MAGI2: variants seen among roughly 807,000 people sequenced by gnomAD.
MAGI2 encodes the protein membrane-associated guanylate kinase, WW and PDZ domain-containing protein 2.
A neutral mutation model predicts 133.3 loss-of-function variants in MAGI2; 35 were observed. The ratio of observed to expected loss-of-function variants is 0.26; its 90% CI spans 0.20 to 0.35. The LOEUF (loss-of-function observed/expected upper bound fraction) is 0.35. Among genes scored for constraint, MAGI2 ranks in the 10% least tolerant of loss-of-function variants. The pLI is 1.00. For missense variants in MAGI2, 1,636 were observed against 1,863.4 expected (o/e 0.88, Z 2.25); for synonymous variants, 729 against 710.6 (o/e 1.03, Z -0.41).
chr7:79,238,100 T>C (rs1289356346), intron 1 of MAGI2, among the ~76,000 whole-genome samples: 2 of 152,222 alleles, frequency 1.3e-5, no homozygotes, highest in Admixed American at 6.5e-5. Context: ...CATTTGATTC[T>C]ACTGGGAAAT....
At chr7:78,443,573 CCT>C (rs1178585118) in intron 6 of MAGI2, among the ~76,000 whole-genome samples, 1 of 152,026 alleles carries the variant, frequency 6.6e-6, no homozygotes, top group African/African-American at 2.4e-5. Flanking sequence ...TTTGATTATT[CCT>C]CTGTTATAAC....
chr7:78,054,507 C>T (rs7803732), intron 21 of MAGI2, among the ~76,000 whole-genome samples: 26,633 of 151,754 alleles, frequency 0.18, 3,351 homozygotes, highest in African/African-American at 0.35. Context: ...TCTCACTCTA[C>T]GGACATTCTC....
At chr7:78,894,509 C>A (rs927572135) in intron 2 of MAGI2, among the ~76,000 whole-genome samples, 29 of 152,044 alleles carry the variant, frequency 1.9e-4, no homozygotes, top group Non-Finnish European at 7.4e-5. Flanking sequence ...GTACCTGTGC[C>A]ATAATGCTTT....
intron 21 of MAGI2, among the ~76,000 whole-genome samples, chr7:78,032,009 C>CT (rs377672697): frequency 0.038 from 4,714 of 124,136 alleles, 277 homozygotes; most frequent in African/African-American, 0.12. Flanking sequence ...AGCCCCCCCA[C>CT]TTTTTTTTTT....
chr7:78,377,261 G>T (rs1794526275), intron 6 of MAGI2, among the ~76,000 whole-genome samples: 2 of 152,060 alleles, frequency 1.3e-5, no homozygotes, highest in African/African-American at 4.8e-5. Context: ...TATAAGTAGG[G>T]ATGTGAATGC....
intron 6 of MAGI2, among the ~76,000 whole-genome samples, chr7:78,403,072 A>G (rs538979911): frequency 2.2e-4 from 33 of 152,298 alleles, no homozygotes; most frequent in African/African-American, 7.5e-4. Flanking sequence ...ACATATGTAT[A>G]CACGTGCCGT....
intron 2 of MAGI2, among the ~76,000 whole-genome samples, chr7:78,849,564 A>G (rs1246348912): frequency 6.6e-6 from 1 of 152,090 alleles, no homozygotes; most frequent in Non-Finnish European, 1.5e-5. Context: ...AAATGGTTAG[A>G]GTGAAAGGCA....
chr7:78,757,768 A>C (rs1041452365), intron 2 of MAGI2, among the ~76,000 whole-genome samples: 5 of 151,984 alleles, frequency 3.3e-5, no homozygotes, highest in African/African-American at 1.2e-4. Flanking sequence ...TCAACTATTA[A>C]ATACACCCTG....
chr7:78,678,463 A>C (rs1815290847), intron 2 of MAGI2, among the ~76,000 whole-genome samples: 1 of 152,154 alleles, frequency 6.6e-6, no homozygotes, highest in African/African-American at 2.4e-5. Flanking sequence ...TAGGGTGGTA[A>C]GGTTTGCTCA....
chr7:79,292,787 A>AAAAAAG (rs1836606041), intron 1 of MAGI2, among the ~76,000 whole-genome samples: 1 of 143,760 alleles, frequency 7.0e-6, no homozygotes. Flanking sequence ...AAAAAAAAAA[A>AAAAAAG]AAAAAAAAAA....
intron 2 of MAGI2, among the ~76,000 whole-genome samples, chr7:78,972,655 T>C (rs1193815696): frequency 6.6e-6 from 1 of 151,806 alleles, no homozygotes; most frequent in Non-Finnish European, 1.5e-5. Context: ...ATATAATATA[T>C]ATAATCCAGG....
At chr7:78,910,051 T>C (rs1198965504) in intron 2 of MAGI2, among the ~76,000 whole-genome samples, 1 of 151,896 alleles carries the variant, frequency 6.6e-6, no homozygotes, top group Non-Finnish European at 1.5e-5. Flanking sequence ...AACGAAACAC[T>C]GCATGTTCTC....
At chr7:79,350,941 C>G (rs1166637732) in intron 1 of MAGI2, among the ~76,000 whole-genome samples, 1 of 152,024 alleles carries the variant, frequency 6.6e-6, no homozygotes, top group Non-Finnish European at 1.5e-5. Context: ...CAAGTTTAAA[C>G]AGTGCATTGA....
chr7:79,217,420 A>T (rs1247852829), intron 1 of MAGI2, among the ~76,000 whole-genome samples: 1 of 152,040 alleles, frequency 6.6e-6, no homozygotes, highest in Non-Finnish European at 1.5e-5. Context: ...TCATTGTGTG[A>T]GTATTTTCTC....
intron 2 of MAGI2, among the ~76,000 whole-genome samples, chr7:78,883,722 A>G (rs1796055169): frequency 6.6e-6 from 1 of 152,092 alleles, no homozygotes; most frequent in Non-Finnish European, 1.5e-5. Flanking sequence ...GCAATCTGAT[A>G]TTTGCTAAAG....
chr7:78,592,311 G>A (rs1804089757), intron 3 of MAGI2, among the ~76,000 whole-genome samples: 1 of 151,426 alleles, frequency 6.6e-6, no homozygotes. Context: ...ATTTTTTTCT[G>A]TAAAGGACCA....
chr7:78,233,434 A>T (rs970746754), intron 10 of MAGI2, among the ~76,000 whole-genome samples: 2 of 152,120 alleles, frequency 1.3e-5, no homozygotes, highest in Admixed American at 1.3e-4. Flanking sequence ...CAATAGTGGG[A>T]TGGGGACTGA....
intron 9 of MAGI2, among the ~76,000 whole-genome samples, chr7:78,319,419 A>T (rs1239168958): frequency 6.6e-5 from 10 of 152,216 alleles, no homozygotes; most frequent in African/African-American, 9.6e-5. Context: ...AACAGAAATC[A>T]TAACAGTGTC....
intron 1 of MAGI2, among the ~76,000 whole-genome samples, chr7:79,450,474 A>ATTTTG (rs1264767478): frequency 9.9e-5 from 15 of 152,150 alleles, no homozygotes; most frequent in African/African-American, 3.6e-4. Flanking sequence ...TAAAAGAAAT[A>ATTTTG]TTTTGTTTTG....
Sources: gnomAD v4.1 joint callset for allele counts (sites outside exome capture counted in the v4.1 genomes callset) on GRCh38, gnomAD v4.1.1 for gene constraint, MANE v1.5 for transcripts, NCBI Gene and HGNC (gene_info 2026-07-23, HGNC 2026-07-21) for gene names.